The following PHTF2 variants were observed in gnomAD, a reference collection of about 807,000 sequenced individuals.
The protein encoded by PHTF2 is putative homeodomain transcription factor 2.
Under a neutral mutation model 101.2 loss-of-function variants are expected in PHTF2, and 60 were observed. That is an observed-to-expected ratio of 0.59 (90% CI 0.48 to 0.73). The LOEUF (loss-of-function observed/expected upper bound fraction) is 0.73. Among genes scored for constraint, PHTF2 ranks in the 30% least tolerant of loss-of-function variants. The pLI, the probability that PHTF2 is intolerant of heterozygous loss-of-function variation, is 0.00. For synonymous variants in PHTF2, 311 were observed against 307.3 expected, an observed-to-expected ratio of 1.01 and a Z score of -0.13; for missense variants, 747 against 908.7, an observed-to-expected ratio of 0.82 and a Z score of 2.29.
chr7:77,865,430 T>C (rs1038394743), intron 3 of PHTF2, among the ~76,000 whole-genome samples: 2 of 152,148 alleles, frequency 1.3e-5, no homozygotes, highest in East Asian at 1.9e-4. Flanking sequence ...TTCACCATGT[T>C]AGTCAGGCTT....
At chr7:77,799,823 G>C (rs114605519) in intron 1 of PHTF2, among the ~76,000 whole-genome samples, 1 of 152,268 alleles carries the variant, frequency 6.6e-6, no homozygotes, top group East Asian at 1.9e-4. Context: ...ATTAATCTCA[G>C]TGTGTACTTT....
intron 1 of PHTF2, among the ~76,000 whole-genome samples, chr7:77,827,107 G>A (rs1299277311): frequency 1.3e-5 from 2 of 152,192 alleles, no homozygotes; most frequent in East Asian, 1.9e-4. Context: ...GGAAGTCATG[G>A]ATACCATGTA....
At chr7:77,938,868 A>G (rs532548217) in intron 13 of PHTF2, among the ~76,000 whole-genome samples, 4 of 152,352 alleles carry the variant, frequency 2.6e-5, no homozygotes, top group African/African-American at 7.2e-5. Context: ...TCTTTGGTGC[A>G]TTATTGTGCT....
intron 1 of PHTF2, among the ~76,000 whole-genome samples, chr7:77,839,440 C>G (rs1287271319): frequency 6.6e-6 from 1 of 152,112 alleles, no homozygotes; most frequent in African/African-American, 2.4e-5. Flanking sequence ...TGGTATTTGT[C>G]TTAGTTTGAT....
At chr7:77,800,114 A>G (rs1213239979) in intron 1 of PHTF2, among the ~76,000 whole-genome samples, 1 of 151,920 alleles carries the variant, frequency 6.6e-6, no homozygotes, top group African/African-American at 2.4e-5. Flanking sequence ...TATTTTTAAT[A>G]TTGGAAGGGG....
exon 12 of PHTF2, chr7:77,929,113 C>G: frequency 6.2e-7 from 1 of 1,611,552 alleles, no homozygotes; most frequent in Non-Finnish European, 8.5e-7. Context: ...TTTCAGGACG[C>G]CCCTAAATCG....
intron 9 of PHTF2, among the ~76,000 whole-genome samples, chr7:77,914,008 G>A (rs932587593): frequency 6.7e-6 from 1 of 150,118 alleles, no homozygotes; most frequent in African/African-American, 2.5e-5. Context: ...AGAGGTTGCA[G>A]TGAGCTGAGA....
At chr7:77,833,612 A>G (rs1795228461) in intron 1 of PHTF2, among the ~76,000 whole-genome samples, 1 of 152,130 alleles carries the variant, frequency 6.6e-6, no homozygotes, top group Non-Finnish European at 1.5e-5. Flanking sequence ...AAAAGATTTA[A>G]AAAATAGCCT....
intron 3 of PHTF2, among the ~76,000 whole-genome samples, chr7:77,882,509 A>C (rs1799504034): frequency 6.6e-6 from 1 of 152,216 alleles, no homozygotes; most frequent in African/African-American, 2.4e-5. Context: ...GTGGTTGCAG[A>C]GCAAACTCTT....
At chr7:77,835,404 CA>C (rs1795379723) in intron 1 of PHTF2, among the ~76,000 whole-genome samples, 1 of 151,956 alleles carries the variant, frequency 6.6e-6, no homozygotes, top group African/African-American at 2.4e-5. Context: ...CGCAAAGTGT[CA>C]GGGGTGGAAA....
intron 3 of PHTF2, among the ~76,000 whole-genome samples, chr7:77,871,524 A>T (rs1028476153): frequency 1.3e-5 from 2 of 152,112 alleles, no homozygotes; most frequent in Non-Finnish European, 2.9e-5. Context: ...GGAAGCAAAA[A>T]TTTTACTAGT....
intron 4 of PHTF2, 98 bp from the exon 4 acceptor site, chr7:77,893,884 A>G: frequency 6.7e-6 from 6 of 892,916 alleles, no homozygotes; most frequent in Non-Finnish European, 1.1e-5. Context: ...TGAATTTCTA[A>G]TGACTATTTT....
At chr7:77,860,154 T>C (rs993122617) in intron 3 of PHTF2, among the ~76,000 whole-genome samples, 2 of 152,200 alleles carry the variant, frequency 1.3e-5, no homozygotes, top group Non-Finnish European at 2.9e-5. Flanking sequence ...GCTGATTGTC[T>C]CTATTGGGAC....
chr7:77,823,711 CTGTGTAGCTAGAATGTAAGGTA>C (rs528417234), intron 1 of PHTF2, among the ~76,000 whole-genome samples: 159 of 152,204 alleles, frequency 1.0e-3, no homozygotes, highest in African/African-American at 3.6e-3. Context: ...ATTTGTGAAC[CTGTGTAGCTAGAATGTAAGGTA>C]TGTGTAGCTA....
At chr7:77,943,295 T>G (rs1805786725) in intron 16 of PHTF2, among the ~76,000 whole-genome samples, 1 of 152,148 alleles carries the variant, frequency 6.6e-6, no homozygotes, top group Admixed American at 6.5e-5. Context: ...TAATTTATTT[T>G]TTGTATTTTT....
chr7:77,868,790 C>G (rs1488186994), intron 3 of PHTF2, among the ~76,000 whole-genome samples: 1 of 152,126 alleles, frequency 6.6e-6, no homozygotes, highest in East Asian at 1.9e-4. Context: ...ACTATCTGGC[C>G]TTGGGCTAAC....
chr7:77,934,532 G>A (rs1040592758), intron 12 of PHTF2, among the ~76,000 whole-genome samples: 4 of 152,324 alleles, frequency 2.6e-5, no homozygotes, highest in Admixed American at 1.3e-4. Flanking sequence ...AATGAATAAG[G>A]AGCAAAGCAG....
intron 18 of PHTF2, among the ~76,000 whole-genome samples, chr7:77,953,420 G>A (rs533538793): frequency 2.1e-4 from 32 of 152,100 alleles, no homozygotes; most frequent in Non-Finnish European, 3.8e-4. Context: ...AGAAAATTTG[G>A]CCAATTTCTA....
chr7:77,838,242 T>C (rs1286426556), intron 1 of PHTF2, among the ~76,000 whole-genome samples: 3 of 152,130 alleles, frequency 2.0e-5, no homozygotes, highest in Middle Eastern at 3.4e-3. Context: ...AAAACAAAAA[T>C]GGGAGATTTT....
Sources: gnomAD v4.1 joint callset for allele counts (sites outside exome capture counted in the v4.1 genomes callset) on GRCh38, gnomAD v4.1.1 for gene constraint, MANE v1.5 for transcripts, NCBI Gene and HGNC (gene_info 2026-07-23, HGNC 2026-07-21) for gene names.